Variants in GALNTL6 observed in about 807,000 individuals in gnomAD.
The protein encoded by GALNTL6 is polypeptide N-acetylgalactosaminyltransferase like 6.
In GALNTL6, 46 loss-of-function variants were observed where a neutral mutation model predicts 73.7. The observed-to-expected ratio is 0.62, with a 90% CI of 0.49 to 0.80. The LOEUF is 0.80. GALNTL6 is among the 30% of genes least tolerant of loss of function. The probability of loss-of-function intolerance (pLI) is 0.00; values close to 1 mark genes in which losing one functional copy is unlikely to be tolerated. For synonymous variants in GALNTL6, 259 were observed against 263.7 expected, an observed-to-expected ratio of 0.98 and a Z score of 0.17; for missense variants, 604 against 755.0, an observed-to-expected ratio of 0.80 and a Z score of 2.34.
At chr4:172,526,739 T>C (rs1734970643) in intron 5 of GALNTL6, among the ~76,000 whole-genome samples, 1 of 152,178 alleles carries the variant, frequency 6.6e-6, no homozygotes, top group Non-Finnish European at 1.5e-5. Flanking sequence ...TTAGATCCTT[T>C]ACCTGCCTTT....
At chr4:172,525,325 T>C (rs1263068272) in intron 5 of GALNTL6, among the ~76,000 whole-genome samples, 1 of 152,206 alleles carries the variant, frequency 6.6e-6, no homozygotes, top group Non-Finnish European at 1.5e-5. Context: ...CTTTGCAACA[T>C]TGAACCTTCT....
intron 8 of GALNTL6, among the ~76,000 whole-genome samples, chr4:172,886,686 C>A (rs1745738765): frequency 6.6e-6 from 1 of 151,990 alleles, no homozygotes; most frequent in African/African-American, 2.4e-5. Context: ...TTGCTTGAAC[C>A]CGGGAGGCAG....
At chr4:172,382,472 T>C (rs961899372) in intron 5 of GALNTL6, among the ~76,000 whole-genome samples, 1 of 152,186 alleles carries the variant, frequency 6.6e-6, no homozygotes, top group Non-Finnish European at 1.5e-5. Flanking sequence ...TGTTGAGTTG[T>C]AATAAATCTT....
rs193279708 is a variant in GALNTL6 at position 172,349,921 on chromosome 4, C to T, written c.553+1232C>T. Among the ~76,000 whole-genome samples the T allele has an allele frequency of 6.0e-3, 909 of 151,608 alleles. 3 individuals carry two copies. The highest frequency in any genetic ancestry group is 0.034 in the Middle Eastern group (10 of 294). On this transcript the variant is annotated intron_variant, in intron 5 of 12. Coordinates refer to ENST00000506823, the MANE Select transcript of GALNTL6 (RefSeq NM_001034845.3). ...TTTTGTCTCGTGTTGCATAGGTAGG[C>T]ATGCATTTAATACTACCTAATAAGA...
At chr4:171,886,688 A>G (rs561910469) in intron 2 of GALNTL6, among the ~76,000 whole-genome samples, 11 of 152,320 alleles carry the variant, frequency 7.2e-5, no homozygotes, top group Admixed American at 3.3e-4. Context: ...GAGCTTGTGC[A>G]GGGAAACTCC....
chr4:173,003,729 T>G (rs935396163), intron 10 of GALNTL6, among the ~76,000 whole-genome samples: 2 of 152,182 alleles, frequency 1.3e-5, no homozygotes, highest in African/African-American at 4.8e-5. Flanking sequence ...ATATCCGTAT[T>G]CATTTCTGAT....
intron 2 of GALNTL6, among the ~76,000 whole-genome samples, chr4:172,207,767 A>G (rs1021528747): frequency 6.6e-6 from 1 of 152,166 alleles, no homozygotes; most frequent in Non-Finnish European, 1.5e-5. Context: ...AATTCTCTCT[A>G]ATGGGGTTTT....
chr4:171,926,887 C>G (rs1374072379), intron 2 of GALNTL6, among the ~76,000 whole-genome samples: 1 of 151,994 alleles, frequency 6.6e-6, no homozygotes, highest in Non-Finnish European at 1.5e-5. Flanking sequence ...ATAGTTTCTA[C>G]TTTTTTTGTA....
Position 172,796,360 on chromosome 4 carries a change from C to T in GALNTL6, c.554-13001C>T, listed in dbSNP as rs569007457. On this transcript the variant is annotated intron_variant, in intron 5 of 12. Transcript: ENST00000506823. The stretch of plus-strand genomic sequence containing the variant: ...AGGCAAATTTCTTAAACTTTCTGAC[C>T]TTCATTTTCCTCATTTGTAAGTAAG... Among the ~76,000 whole-genome samples, 22 of 152,180 alleles carry T rather than the reference C, an allele frequency of 1.4e-4. No individual in the cohort carries two copies. In the South Asian group the frequency reaches 4.6e-3, roughly 32 times the overall value.
chr4:172,929,766 C>A (rs1204553207), intron 8 of GALNTL6, among the ~76,000 whole-genome samples: 1 of 152,180 alleles, frequency 6.6e-6, no homozygotes, highest in Non-Finnish European at 1.5e-5. Context: ...CAAGTTGATT[C>A]ATAAAATTAA....
chr4:172,528,859 T>C (rs906365632), intron 5 of GALNTL6, among the ~76,000 whole-genome samples: 2 of 147,532 alleles, frequency 1.4e-5, no homozygotes, highest in African/African-American at 4.9e-5. Context: ...GCATACATTA[T>C]ATTTTTCATC....
In GALNTL6 at chr4:172,311,723, G is replaced by C. The variant is rs936702239; in HGVS notation, c.357G>C (p.Glu119Asp). Residue 119 changes from glutamate to aspartate, a missense_variant, in exon 4 of 13, where the codon GAG becomes GAC. Coordinates refer to ENST00000506823, the MANE Select transcript of GALNTL6 (RefSeq NM_001034845.3). The part of the protein sequence containing the change: ...NIFVSNNIAL[E>D]RSLPDIRHAN... ...TCGTCAGCAACAATATTGCTCTAGA[G>C]AGGTCTCTGCCAGATATTCGTCATG... is the stretch of plus-strand genomic sequence containing the variant. 5.0e-6 allele frequency: 8 copies of C among 1,603,308 alleles called. No individual in the cohort carries two copies. Among genetic ancestry groups the C allele is most frequent in the Middle Eastern group, 3.3e-4 (2 of 6,020 alleles).
At chr4:172,452,384 T>A (rs1732245881) in intron 5 of GALNTL6, among the ~76,000 whole-genome samples, 3 of 148,308 alleles carry the variant, frequency 2.0e-5, no homozygotes, top group South Asian at 4.3e-4. Context: ...AAAAAAAAAA[T>A]TAGACTGGGC....
chr4:172,015,755 ATTTG>A (rs1335950337), intron 2 of GALNTL6, among the ~76,000 whole-genome samples: 1 of 151,824 alleles, frequency 6.6e-6, no homozygotes, highest in African/African-American at 2.4e-5. Flanking sequence ...TTCCCTCAGC[ATTTG>A]TTTGTCTGAA....
At chr4:172,550,374 A>G (rs776541878) in intron 5 of GALNTL6, among the ~76,000 whole-genome samples, 1 of 152,134 alleles carries the variant, frequency 6.6e-6, no homozygotes, top group Non-Finnish European at 1.5e-5. Flanking sequence ...ATAGTGCATC[A>G]TTGTTATTTA....
At chr4:172,341,904 C>T (rs186174573) in intron 4 of GALNTL6, among the ~76,000 whole-genome samples, 23 of 152,224 alleles carry the variant, frequency 1.5e-4, no homozygotes, top group Non-Finnish European at 3.1e-4. Flanking sequence ...CTTATTAGTA[C>T]ATTTGACTAA....
chr4:172,377,464 G>T (rs1743074546), intron 5 of GALNTL6, among the ~76,000 whole-genome samples: 1 of 152,232 alleles, frequency 6.6e-6, no homozygotes. Context: ...CAGGAGCCCA[G>T]CTGGCTTCGC....
At chr4:172,744,840 C>CGTGT (rs3084334) in intron 5 of GALNTL6, among the ~76,000 whole-genome samples, 52,557 of 148,926 alleles carry the variant, frequency 0.35, 10,245 homozygotes, top group East Asian at 0.57. Context: ...AGTGCGCGTG[C>CGTGT]GTGTGTGTGT....
Position 172,327,490 on chromosome 4 carries a change from G to A in GALNTL6, c.386+15738G>A, listed in dbSNP as rs189261884. ...CTCAGCGATCTAATATTGTCAGTGT[G>A]GTGTTGAAGTCTCCCAGTGTTATTG... On this transcript the variant is annotated intron_variant, in intron 4 of 12. Transcript: ENST00000506823. Among the ~76,000 whole-genome samples the A allele has an allele frequency of 8.0e-4, 122 of 152,222 alleles. 2 individuals are homozygous for A. The South Asian group carries it at 0.016, about 20-fold the overall frequency.
Sources: gnomAD v4.1 joint callset for allele counts (sites outside exome capture counted in the v4.1 genomes callset) on GRCh38, gnomAD v4.1.1 for gene constraint, MANE v1.5 for transcripts, NCBI Gene and HGNC (gene_info 2026-07-23, HGNC 2026-07-21) for gene names.